Variants in SPTBN4 observed in about 807,000 individuals in gnomAD.
SPTBN4 encodes spectrin beta chain, non-erythrocytic 4.
In SPTBN4, 96 loss-of-function variants were observed where a neutral mutation model predicts 277.8. That is an observed-to-expected ratio of 0.35 (90% CI 0.29 to 0.41). The LOEUF (loss-of-function observed/expected upper bound fraction) is 0.41. Ranked by LOEUF, SPTBN4 falls within the 10% of genes least tolerant of loss-of-function variation. The pLI is 1.00. For synonymous variants in SPTBN4, 1,481 were observed against 1,580.3 expected (o/e 0.94, Z 1.49); for missense variants, 3,006 against 3,595.7 (o/e 0.84, Z 4.19).
chr19:40,555,203 G>C (rs1403546494), intron 24 of SPTBN4: 1 of 152,470 alleles, frequency 6.6e-6, no homozygotes, highest in African/African-American at 2.4e-5. Context: ...GAGTCCCACC[G>C]AGGTTCCTGG....
At chr19:40,536,773 G>A (rs900681298) in intron 20 of SPTBN4, among the ~76,000 whole-genome samples, 1 of 152,114 alleles carries the variant, frequency 6.6e-6, no homozygotes, top group Non-Finnish European at 1.5e-5. Flanking sequence ...CGGAGCAACA[G>A]CCTGTCTCTA....
chr19:40,546,225 CAAA>C (rs557010488), intron 20 of SPTBN4, among the ~76,000 whole-genome samples: 3 of 69,262 alleles, frequency 4.3e-5, no homozygotes, highest in Admixed American at 1.7e-4. Flanking sequence ...AACTCCATCT[CAAA>C]AAAAAAAAAA....
intron 15 of SPTBN4, among the ~76,000 whole-genome samples, chr19:40,516,030 TAC>T (rs749629498): frequency 6.8e-6 from 1 of 146,022 alleles, no homozygotes; most frequent in Non-Finnish European, 1.5e-5. Context: ...TACGTATATA[TAC>T]ACATATATAT....
chr19:40,486,440 G>A (rs1467792829), intron 2 of SPTBN4, among the ~76,000 whole-genome samples: 3 of 151,610 alleles, frequency 2.0e-5, no homozygotes, highest in African/African-American at 7.3e-5. Flanking sequence ...CATGAGCACA[G>A]GTCACTGCAG....
intron 20 of SPTBN4, among the ~76,000 whole-genome samples, chr19:40,548,983 G>C (rs1244805000): frequency 6.6e-6 from 1 of 152,218 alleles, no homozygotes; most frequent in Non-Finnish European, 1.5e-5. Context: ...AGAGGAAACA[G>C]CAAAGGCAAA....
At position 40,502,598 on chromosome 19, in the gene SPTBN4, A is replaced by C. The variant is rs74613192; in HGVS notation, c.1203+91A>C. 1,289 of 1,434,016 alleles carry C rather than the reference A, an allele frequency of 9.0e-4. 9 individuals are homozygous for C. In the African/African-American group the frequency reaches 0.016, roughly 18 times the overall value. The allele number at this position is 1,434,016 out of a possible 1,614,324, so 88.8% of individuals were successfully genotyped here. A position where few individuals can be genotyped will look rare whatever the true frequency, so the allele number is the denominator to read the frequency against. On this transcript the variant is annotated intron_variant, in intron 10 of 35. Coordinates refer to ENST00000598249, the MANE Select transcript of SPTBN4 (RefSeq NM_020971.3). The surrounding 1 kb of genome is among the most constrained non-coding windows in gnomAD (Gnocchi z 4.9). ...CAAGGGAATCATTCACATTGTAGAC[A>C]TGATGGATTAGATATTCATTCTGAC... is the stretch of plus-strand genomic sequence containing the variant.
chr19:40,497,028 G>A (rs955956214), intron 6 of SPTBN4, among the ~76,000 whole-genome samples: 5 of 144,008 alleles, frequency 3.5e-5, no homozygotes, highest in Admixed American at 7.3e-5. Context: ...AGCTGGGATC[G>A]CGCCCCTGCA....
intron 27 of SPTBN4, 77 bp from the exon 28 acceptor site, chr19:40,565,346 G>T (rs1026193271): frequency 2.0e-6 from 3 of 1,527,472 alleles, no homozygotes; most frequent in African/African-American, 2.8e-5. Flanking sequence ...AGGATTTGGG[G>T]TCACCAGGAG....
chr19:40,539,718 G>A (rs1215428122), intron 20 of SPTBN4, among the ~76,000 whole-genome samples: 2 of 150,986 alleles, frequency 1.3e-5, no homozygotes, highest in East Asian at 2.0e-4. Flanking sequence ...GACCTCAAGT[G>A]ATCCACCCAC....
chr19:40,571,235 G>A (rs2081154030), intron 33 of SPTBN4: 1 of 155,422 alleles, frequency 6.4e-6, no homozygotes, highest in African/African-American at 2.4e-5. Context: ...GAGTGGGGTG[G>A]GTCTACCCTT....
intron 2 of SPTBN4, among the ~76,000 whole-genome samples, chr19:40,473,586 A>G (rs2079912461): frequency 1.3e-5 from 2 of 150,458 alleles, no homozygotes; most frequent in East Asian, 1.9e-4. Context: ...CGAACTCCCA[A>G]CCTCAGGTGA....
chr19:40,531,467 T>G (rs1186227486), intron 18 of SPTBN4, among the ~76,000 whole-genome samples: 10 of 31,608 alleles, frequency 3.2e-4, no homozygotes, highest in African/African-American at 1.5e-3. Context: ...AGTGTTTGTT[T>G]TTTTTTTTTT....
intron 35 of SPTBN4, among the ~76,000 whole-genome samples, chr19:40,574,373 T>C (rs1599830333): frequency 6.6e-6 from 1 of 151,948 alleles, no homozygotes; most frequent in Non-Finnish European, 1.5e-5. Context: ...GGCTTTTTTT[T>C]TTTTTGAGAC....
intron 20 of SPTBN4, among the ~76,000 whole-genome samples, chr19:40,535,595 A>G (rs566238056): frequency 5.9e-5 from 9 of 151,864 alleles, no homozygotes; most frequent in African/African-American, 2.2e-4. Context: ...GAAATACATA[A>G]TGACACTGAT....
chr19:40,529,380 C>T lies in SPTBN4; in HGVS notation c.3948+249C>T, dbSNP rs1355241487. Among the ~76,000 whole-genome samples, 5 of 152,338 alleles carry T rather than the reference C, an allele frequency of 3.3e-5. No homozygotes were observed. The East Asian group carries it at 9.7e-4, about 29-fold the overall frequency. On this transcript the variant is annotated intron_variant, in intron 18 of 35. Coordinates refer to ENST00000598249, the MANE Select transcript of SPTBN4 (RefSeq NM_020971.3). The stretch of plus-strand genomic sequence containing the variant: ...CCCTGGCAACCGCGCGTGTCCGCGC[C>T]TACGGGTCCCGCGGGGACGCGCGCT...
At position 40,527,983 on chromosome 19, in the gene SPTBN4, G is replaced by A. The variant is rs150353534; in HGVS notation, c.3858-1058G>A. 4.4e-3 allele frequency among the ~76,000 whole-genome samples: 664 copies of A among 151,708 alleles called. 7 individuals are homozygous for A. The highest frequency in any genetic ancestry group is 0.015 in the African/African-American group (640 of 41,312). The stretch of plus-strand genomic sequence containing the variant: ...AGGCCGGAGAATCGCTTGAACCTGG[G>A]GGGTGGAGGTTGTAGTGAGCCGAGA... On this transcript the variant is annotated intron_variant, in intron 17 of 35. Coordinates refer to ENST00000598249, the MANE Select transcript of SPTBN4 (RefSeq NM_020971.3).
Position 40,512,705 on chromosome 19 carries a change from A to G in SPTBN4, c.1916A>G (p.Glu639Gly). Residue 639 changes from glutamate to glycine, a missense_variant, in exon 14 of 36, where the codon GAG becomes GGG. By Grantham distance (98) the Glu-to-Gly change is moderately conservative. This residue lies in a region of SPTBN4 where 1,759 missense variants were observed against 2,061.5 expected (regional missense o/e 0.85). Coordinates refer to ENST00000598249, the MANE Select transcript of SPTBN4 (RefSeq NM_020971.3). ...GAGCAGGCAGCGCGGCGACGCGCGG[A>G]GCTGGAGGCTTCGCGGAGCCTGTGG... is the stretch of plus-strand genomic sequence containing the variant. ...LQEQAARRRAELEASRSLWAL... is the reference protein window; with the variant it reads ...LQEQAARRRAGLEASRSLWAL... 1 of 1,525,354 alleles carries G rather than the reference A, an allele frequency of 6.6e-7. No individual in the cohort carries two copies. Among genetic ancestry groups the G allele is most frequent in the East Asian group, 2.6e-5 (1 of 39,134 alleles). 94.5% of individuals were successfully genotyped at this position (1,525,354 alleles called of 1,614,324 possible). A position where few individuals can be genotyped will look rare whatever the true frequency, so the allele number is the denominator to read the frequency against.
At position 40,512,908 on chromosome 19, in the gene SPTBN4, G is replaced by T; in HGVS notation, c.2119G>T (p.Glu707Ter). Residue 707 changes from glutamate to a stop codon, truncating the protein, a stop_gained, in exon 14 of 36, where the codon GAG becomes TAG. Transcript: ENST00000598249. LOFTEE classifies it high-confidence loss of function. ...LLAQHKILQG[E>*]LGGRRALLQQ... The stretch of plus-strand genomic sequence containing the variant: ...GGCCCAGCACAAGATCCTGCAGGGC[G>T]AGCTGGGCGGGCGGCGAGCGTTGCT... The T allele has an allele frequency of 7.0e-7, 1 of 1,429,450 alleles. No individual in the cohort carries two copies. The highest frequency in any genetic ancestry group is 1.5e-5 in the African/African-American group (1 of 66,342). 88.5% of individuals were successfully genotyped at this position (1,429,450 alleles called of 1,614,324 possible).
chr19:40,539,110 C>T (rs1617389), intron 20 of SPTBN4, among the ~76,000 whole-genome samples: 151,673 of 152,334 alleles, frequency 1, 75,539 homozygotes, highest in Middle Eastern at 1. Context: ...GTGCTGGGAT[C>T]ACAGGCGTGA....
Sources: gnomAD v4.1 joint callset for allele counts (sites outside exome capture counted in the v4.1 genomes callset) on GRCh38, gnomAD v4.1.1 for gene constraint, gnomAD v4.1.1 regional missense constraint, Gnocchi (gnomAD v3.1) non-coding constraint, MANE v1.5 for transcripts, NCBI Gene and HGNC (gene_info 2026-07-23, HGNC 2026-07-21) for gene names.